OTOF: variants seen among roughly 807,000 people sequenced by gnomAD.
OTOF encodes the protein otoferlin.
Under a neutral mutation model 236.8 loss-of-function variants are expected in OTOF, and 218 were observed. The ratio of observed to expected loss-of-function variants is 0.92; its 90% CI spans 0.82 to 1.03. The LOEUF (loss-of-function observed/expected upper bound fraction) is 1.03. OTOF is among the 50% of genes least tolerant of loss of function. The pLI is 0.00. For synonymous variants in OTOF, 1,041 were observed against 1,072.5 expected (o/e 0.97, Z 0.57); for missense variants, 2,590 against 2,694.4 (o/e 0.96, Z 0.86).
At chr2:26,507,287 C>T (rs533786772) in intron 5 of OTOF, among the ~76,000 whole-genome samples, 6 of 152,320 alleles carry the variant, frequency 3.9e-5, no homozygotes, top group Non-Finnish European at 7.3e-5. Context: ...ATCAGTACAG[C>T]ATGATGTCAT....
In OTOF at chr2:26,470,866, C is replaced by T; in HGVS notation, c.3895-145G>A. 10 of 1,456,348 alleles carry T rather than the reference C, an allele frequency of 6.9e-6. No homozygotes were observed. Among genetic ancestry groups the T allele is most frequent in the Non-Finnish European group, 8.4e-6 (9 of 1,076,016 alleles). 90.2% of individuals were successfully genotyped at this position (1,456,348 alleles called of 1,614,324 possible). On this transcript the variant is annotated intron_variant, in intron 31 of 46. Transcript: ENST00000272371. The surrounding 1 kb of genome is among the most constrained non-coding windows in gnomAD (Gnocchi z 4.3). ...GGCCACCCATGTCCAAGGGGCAGGG[C>T]CTTATTTTATGGAGAAGGTGCCACA...
Position 26,471,111 on chromosome 2 carries a change from C to T in OTOF, c.3894+10G>A. On this transcript the variant is annotated intron_variant, in intron 31 of 46. Transcript: ENST00000272371. Reference sequence around the variant, plus strand: ...TCACCCCAGAGCCCCTGCATGGCCCCCACACTCACCACATCCACCTTGACA... The same window carrying T: ...TCACCCCAGAGCCCCTGCATGGCCCTCACACTCACCACATCCACCTTGACA... 1 of 1,614,066 alleles carries T rather than the reference C, an allele frequency of 6.2e-7. No homozygotes were observed. The highest frequency in any genetic ancestry group is 8.5e-7 in the Non-Finnish European group (1 of 1,179,972).
Position 26,509,366 on chromosome 2 carries a change from C to G in OTOF, c.510-5521G>C, listed in dbSNP as rs550008334. On this transcript the variant is annotated intron_variant, in intron 5 of 46. Transcript: ENST00000272371. ...GACACATGCTCTGCCTACGTGTCTT[C>G]CCTTACTGGGAACCTGGCAAACTCC... is the stretch of plus-strand genomic sequence containing the variant. Among the ~76,000 whole-genome samples, 3 of 152,326 alleles carry G rather than the reference C, an allele frequency of 2.0e-5. No individual in the cohort carries two copies. The South Asian group carries it at 6.2e-4, about 32-fold the overall frequency.
At position 26,460,836 on chromosome 2, in the gene OTOF, A is replaced by G; in HGVS notation, c.5712+16T>C. 6.2e-7 allele frequency: 1 copy of G among 1,614,030 alleles called. No homozygotes were observed. The highest frequency in any genetic ancestry group is 1.7e-5 in the Admixed American group (1 of 60,022). ...TCCCAGCCCTGCCTACTGCCCGAGCAGGAAGGGGTGCGCACCGTGAGCTCA... is the reference window on the plus strand; with the variant it reads ...TCCCAGCCCTGCCTACTGCCCGAGCGGGAAGGGGTGCGCACCGTGAGCTCA... On this transcript the variant is annotated intron_variant, in intron 44 of 46. Transcript: ENST00000272371. The surrounding 1 kb of genome is among the most constrained non-coding windows in gnomAD (Gnocchi z 5.3).
rs727505189 is a variant in OTOF at position 26,519,015 on chromosome 2, T to C, written c.322A>G (p.Ile108Val). Residue 108 changes from isoleucine to valine, a missense_variant, in exon 4 of 47, where the codon ATC becomes GTC. Around this residue, in one of 2 missense-constraint regions of OTOF, gnomAD observed 1,379 missense variants for 1,341.6 expected, o/e 1.03. Coordinates refer to ENST00000272371, the MANE Select transcript of OTOF (RefSeq NM_194248.3). Reference protein sequence around the residue: ...DTLIDDNNAIIKTSLCVEVRY... With the variant: ...DTLIDDNNAIVKTSLCVEVRY... ...ACTCCGTGGGGCATACCCACCTTGA[T>C]GATAGCATTGTTGTCATCAATCAGC... 93 of 1,606,180 alleles carry C rather than the reference T, an allele frequency of 5.8e-5. 1 individual carries two copies. In the South Asian group the frequency reaches 6.8e-4, roughly 12 times the overall value.
chr2:26,520,003 G>C (rs1054096892), intron 3 of OTOF, among the ~76,000 whole-genome samples: 1 of 152,186 alleles, frequency 6.6e-6, no homozygotes, highest in African/African-American at 2.4e-5. Context: ...CTCAATATCT[G>C]CTGGCTGAAT....
chr2:26,479,337 A>C lies in OTOF; in HGVS notation c.2141T>G (p.Ile714Ser), dbSNP rs1237924989. The C allele has an allele frequency of 1.2e-6, 2 of 1,612,674 alleles. No homozygotes were observed. Among genetic ancestry groups the C allele is most frequent in the Admixed American group, 3.3e-5 (2 of 59,994 alleles). Residue 714 changes from isoleucine (I) to serine (S), a missense_variant, in exon 18 of 47, where the codon ATC (isoleucine) becomes AGC (serine). Coordinates refer to ENST00000272371, the MANE Select transcript of OTOF (RefSeq NM_194248.3). ...GCGCTGGTCCGGCCACCAGCTCTTGATGTAGATGCAGGGCTTTCGCTCCAG... is the reference window on the plus strand; with the variant it reads ...GCGCTGGTCCGGCCACCAGCTCTTGCTGTAGATGCAGGGCTTTCGCTCCAG... ...PYLERKPCIY[I>S]KSWWPDQRRR... is the part of the protein sequence containing the mutation.
In OTOF at chr2:26,458,066, T is replaced by C. The variant is rs766417394; in HGVS notation, c.*172A>G. The C allele has an allele frequency of 1.9e-5, 31 of 1,613,736 alleles. No homozygotes were observed. The highest frequency in any genetic ancestry group is 2.4e-5 in the Non-Finnish European group (28 of 1,179,808). Reference sequence around the variant, plus strand: ...CATGCCCCAAGGAGCTTTTTGACCATGTAGCCAGGGAGGCTGTAGAGGAAG... The same window carrying C: ...CATGCCCCAAGGAGCTTTTTGACCACGTAGCCAGGGAGGCTGTAGAGGAAG... On this transcript the variant is annotated 3_prime_UTR_variant, in exon 47 of 47. Transcript: ENST00000272371.
chr2:26,493,759 G>T (rs1665907208), intron 9 of OTOF, among the ~76,000 whole-genome samples: 1 of 152,136 alleles, frequency 6.6e-6, no homozygotes, highest in Admixed American at 6.5e-5. Context: ...GGGGAGCGGG[G>T]TATAACCTTG....
chr2:26,526,716 T>C (rs1456281174), intron 3 of OTOF, among the ~76,000 whole-genome samples: 15 of 152,214 alleles, frequency 9.9e-5, no homozygotes, highest in Non-Finnish European at 2.2e-4. Flanking sequence ...TCTATTAGTA[T>C]GATTTAGGAT....
At chr2:26,471,902 TA>T (rs2148038160) in intron 30 of OTOF, among the ~76,000 whole-genome samples, 1 of 149,366 alleles carries the variant, frequency 6.7e-6, no homozygotes, top group Non-Finnish European at 1.5e-5. Context: ...CATATATGCA[TA>T]TATACCACAC....
intron 1 of OTOF, among the ~76,000 whole-genome samples, chr2:26,548,223 C>T (rs1229509119): frequency 6.6e-6 from 1 of 152,048 alleles, no homozygotes; most frequent in Non-Finnish European, 1.5e-5. Flanking sequence ...GAAGAACCAA[C>T]TTTTGGCTTT....
Position 26,462,079 on chromosome 2 carries a change from C to A in OTOF, c.5291+4G>T. ...TCCCTCCCATGCAGGGACTGCTCAC[C>A]CACCCCCTCACGAAGATGTCACTGG... On this transcript the variant is annotated splice_donor_region_variant and intron_variant, in intron 42 of 46. Coordinates refer to ENST00000272371, the MANE Select transcript of OTOF (RefSeq NM_194248.3). This position sits in a 1 kb window ranked among gnomAD's most constrained non-coding sequence, Gnocchi z 4.7. The A allele has an allele frequency of 6.2e-7, 1 of 1,612,162 alleles. No homozygotes were observed. Among genetic ancestry groups the A allele is most frequent in the Non-Finnish European group, 8.5e-7 (1 of 1,178,424 alleles).
chr2:26,552,298 G>A (rs1488086164), intron 1 of OTOF, among the ~76,000 whole-genome samples: 6 of 152,152 alleles, frequency 3.9e-5, no homozygotes, highest in Admixed American at 2.0e-4. Flanking sequence ...GCTGAGGTGG[G>A]AGCATCGCTT....
At chr2:26,489,530 C>G (rs1665785512) in intron 10 of OTOF, 148 bp downstream of exon 10, 1 of 753,022 alleles carries the variant, frequency 1.3e-6, no homozygotes, top group South Asian at 1.5e-5. Context: ...GGGCCAGAAT[C>G]CAGCCTGTCC....
At chr2:26,463,330 C>T (rs1001996837) in intron 41 of OTOF, among the ~76,000 whole-genome samples, 153 bp downstream of exon 41, 1 of 152,232 alleles carries the variant, frequency 6.6e-6, no homozygotes, top group Non-Finnish European at 1.5e-5. Context: ...GTCAGTTTCT[C>T]CCCTATAAGG....
intron 1 of OTOF, among the ~76,000 whole-genome samples, chr2:26,554,045 C>T (rs536800268): frequency 4.3e-4 from 65 of 151,752 alleles, no homozygotes; most frequent in Middle Eastern, 3.4e-3. Context: ...GTGGCGTGTG[C>T]CTGTAGTCCC....
intron 18 of OTOF, among the ~76,000 whole-genome samples, chr2:26,478,853 C>G (rs1055001227): frequency 6.6e-6 from 1 of 152,202 alleles, no homozygotes; most frequent in African/African-American, 2.4e-5. Context: ...TGCCCGCCAC[C>G]AAGCCCCGCT....
At chr2:26,482,868 CGT>C (rs1322809253) in intron 13 of OTOF, among the ~76,000 whole-genome samples, 74 of 108,824 alleles carry the variant, frequency 6.8e-4, no homozygotes, top group Admixed American at 3.4e-3. Flanking sequence ...TGCATGTGTG[CGT>C]GTGTGAGTGG....
Sources: allele counts gnomAD v4.1 joint callset (sites outside exome capture counted in the v4.1 genomes callset), GRCh38; gene constraint gnomAD v4.1.1; regional missense constraint gnomAD v4.1.1; non-coding constraint Gnocchi (gnomAD v3.1); transcripts MANE v1.5; gene names NCBI Gene and HGNC (gene_info 2026-07-23, HGNC 2026-07-21).